MARCHF11: variants seen among roughly 807,000 people sequenced by gnomAD.
The protein encoded by MARCHF11 is E3 ubiquitin-protein ligase MARCHF11.
In MARCHF11, 29 loss-of-function variants were observed where a neutral mutation model predicts 37.3. The ratio of observed to expected loss-of-function variants is 0.78; its 90% CI spans 0.58 to 1.06. The LOEUF (loss-of-function observed/expected upper bound fraction) is 1.06, where lower values mean the gene tolerates loss of function less well. Among genes scored for constraint, MARCHF11 ranks in the 50% least tolerant of loss-of-function variants. MARCHF11 has a pLI of 0.00. For missense variants in MARCHF11, 482 were observed against 533.4 expected, an observed-to-expected ratio of 0.90 and a Z score of 0.95; for synonymous variants, 233 against 228.0, an observed-to-expected ratio of 1.02 and a Z score of -0.20.
At chr5:16,167,831 G>C (rs1006531370) in intron 2 of MARCHF11, among the ~76,000 whole-genome samples, 2 of 152,048 alleles carry the variant, frequency 1.3e-5, no homozygotes, top group Admixed American at 1.3e-4. Context: ...CTTCGGCCTA[G>C]AACAGTGTCT....
At position 16,164,527 on chromosome 5, in the gene MARCHF11, T is replaced by C. The variant is rs1020147327; in HGVS notation, c.693+13199A>G. Among the ~76,000 whole-genome samples, 45 of 152,046 alleles carry C rather than the reference T, an allele frequency of 3.0e-4. 1 individual carries two copies. The highest frequency in any genetic ancestry group is 1.1e-3 in the African/African-American group (44 of 41,410). ...CCATATGTGTTTCAGGATCCTAAGT[T>C]GTCTGGATTTTAAAAATATAATATG... On this transcript the variant is annotated intron_variant, in intron 2 of 3. Transcript: ENST00000332432.
chr5:16,126,997 G>A (rs1323258858), intron 2 of MARCHF11, among the ~76,000 whole-genome samples: 1 of 152,136 alleles, frequency 6.6e-6, no homozygotes, highest in Non-Finnish European at 1.5e-5. Flanking sequence ...CCTTAGCTCA[G>A]TCAGAAAAAA....
intron 2 of MARCHF11, among the ~76,000 whole-genome samples, chr5:16,142,610 G>T (rs1043733538): frequency 2.0e-5 from 3 of 151,886 alleles, no homozygotes; most frequent in African/African-American, 7.3e-5. Flanking sequence ...CACATTTCTG[G>T]CTTCCACTAC....
chr5:16,179,046 G>A lies in MARCHF11; in HGVS notation c.530C>T (p.Ala177Val), dbSNP rs1450776373. 4.7e-6 allele frequency: 7 copies of A among 1,480,794 alleles called. No individual in the cohort carries two copies. The East Asian group carries it at 1.2e-4, about 24-fold the overall frequency. 91.7% of individuals were successfully genotyped at this position (1,480,794 alleles called of 1,614,324 possible). Residue 177 changes from alanine to valine, a missense_variant, in exon 1 of 4, where the codon GCG (alanine) becomes GTG (valine). Physicochemically the swap from Ala to Val is moderately conservative, Grantham distance 64. Coordinates refer to ENST00000332432, the MANE Select transcript of MARCHF11 (RefSeq NM_001102562.3). ...GGTCTCGCCGGGCCTTACCTGCTCCGCGCCCTGGAAGCAGATCTTGCAGAT... is the reference window on the plus strand; with the variant it reads ...GGTCTCGCCGGGCCTTACCTGCTCCACGCCCTGGAAGCAGATCTTGCAGAT... Reference protein sequence around the residue: ...QPICKICFQGAEQGELLNPCR... With the variant: ...QPICKICFQGVEQGELLNPCR...
At chr5:16,086,210 T>G (rs1433191309) in intron 3 of MARCHF11, among the ~76,000 whole-genome samples, 1 of 152,036 alleles carries the variant, frequency 6.6e-6, no homozygotes, top group Non-Finnish European at 1.5e-5. Flanking sequence ...ATGTACAGTA[T>G]GATCTCACTT....
intron 2 of MARCHF11, among the ~76,000 whole-genome samples, chr5:16,160,283 T>G (rs1738048784): frequency 6.9e-6 from 1 of 143,960 alleles, no homozygotes; most frequent in Non-Finnish European, 1.5e-5. Context: ...TATTAAATAT[T>G]TAATATTTAT....
chr5:16,152,997 G>A (rs947063327), intron 2 of MARCHF11, among the ~76,000 whole-genome samples: 1 of 151,978 alleles, frequency 6.6e-6, no homozygotes, highest in African/African-American at 2.4e-5. Context: ...ATTGTCCAAT[G>A]TTCCATGTAT....
intron 2 of MARCHF11, among the ~76,000 whole-genome samples, chr5:16,177,034 T>C (rs115966269): frequency 0.01 from 1,566 of 152,298 alleles, 9 homozygotes; most frequent in South Asian, 0.031. Flanking sequence ...TTTAGGCCTA[T>C]TTTCCAGGGC....
chr5:16,177,183 C>A (rs1475949757), intron 2 of MARCHF11, among the ~76,000 whole-genome samples: 2 of 152,102 alleles, frequency 1.3e-5, no homozygotes, highest in Non-Finnish European at 2.9e-5. Context: ...TTGAACACAG[C>A]AAAGAAGAAA....
At chr5:16,112,369 G>A (rs543037297) in intron 2 of MARCHF11, among the ~76,000 whole-genome samples, 65 of 152,184 alleles carry the variant, frequency 4.3e-4, no homozygotes, top group Non-Finnish European at 8.4e-4. Context: ...TTGCATCAGC[G>A]TGACCTGGAT....
intron 2 of MARCHF11, among the ~76,000 whole-genome samples, chr5:16,095,293 C>T (rs1332459811): frequency 6.6e-6 from 1 of 152,092 alleles, no homozygotes; most frequent in Non-Finnish European, 1.5e-5. Flanking sequence ...GGGAGATGTC[C>T]CTCTAAGCTT....
intron 3 of MARCHF11, among the ~76,000 whole-genome samples, chr5:16,079,519 C>G (rs1218482539): frequency 6.6e-6 from 1 of 152,212 alleles, no homozygotes. Context: ...AGTCTCACCA[C>G]TTCACCTCTC....
chr5:16,128,959 C>A (rs1560983421), intron 2 of MARCHF11, among the ~76,000 whole-genome samples: 1 of 152,192 alleles, frequency 6.6e-6, no homozygotes, highest in Non-Finnish European at 1.5e-5. Context: ...GTACTTATTT[C>A]CATGTTCAAA....
chr5:16,147,461 T>C (rs1737818402), intron 2 of MARCHF11, among the ~76,000 whole-genome samples: 1 of 152,142 alleles, frequency 6.6e-6, no homozygotes, highest in Admixed American at 6.6e-5. Context: ...GCAAAGAGAC[T>C]TGAAACCTGA....
chr5:16,160,712 C>T (rs1360992058), intron 2 of MARCHF11, among the ~76,000 whole-genome samples: 1 of 151,874 alleles, frequency 6.6e-6, no homozygotes, highest in South Asian at 2.1e-4. Flanking sequence ...AAATCAAAAT[C>T]TCATCAAATA....
Position 16,112,972 on chromosome 5 carries a change from A to C in MARCHF11, c.694-21891T>G, listed in dbSNP as rs561021052. ...GCCACATGGAACTGTGAGTCCATTA[A>C]ACCTCTTTTTCGTCGTAAATTACCC... On this transcript the variant is annotated intron_variant, in intron 2 of 3. Coordinates refer to ENST00000332432, the MANE Select transcript of MARCHF11 (RefSeq NM_001102562.3). Among the ~76,000 whole-genome samples, 24 of 152,240 alleles carry C rather than the reference A, an allele frequency of 1.6e-4. No homozygotes were observed. The South Asian group carries it at 5.0e-3, about 32-fold the overall frequency.
intron 2 of MARCHF11, among the ~76,000 whole-genome samples, chr5:16,134,794 A>T (rs755950260): frequency 2.0e-5 from 3 of 152,208 alleles, no homozygotes; most frequent in African/African-American, 4.8e-5. Context: ...TACAAAATCC[A>T]TATGTAAAGA....
chr5:16,162,594 A>G (rs1406827149), intron 2 of MARCHF11, among the ~76,000 whole-genome samples: 5 of 151,886 alleles, frequency 3.3e-5, no homozygotes. Flanking sequence ...TTTTTTTCTT[A>G]TGATTAGTTC....
chr5:16,115,535 G>A (rs1737214815), intron 2 of MARCHF11, among the ~76,000 whole-genome samples: 2 of 152,210 alleles, frequency 1.3e-5, no homozygotes, highest in South Asian at 2.1e-4. Flanking sequence ...ATGGTAGCAA[G>A]CATCTGGTAC....
Sources: allele counts gnomAD v4.1 joint callset (sites outside exome capture counted in the v4.1 genomes callset), GRCh38; gene constraint gnomAD v4.1.1; transcripts MANE v1.5; gene names NCBI Gene and HGNC (gene_info 2026-07-23, HGNC 2026-07-21).